Variants in PPP3CC observed in about 807,000 individuals in gnomAD.
The protein encoded by PPP3CC is protein phosphatase 3 catalytic subunit gamma.
Under a neutral mutation model 60.3 loss-of-function variants are expected in PPP3CC, and 35 were observed. The observed-to-expected ratio is 0.58, with a 90% CI of 0.44 to 0.77. The LOEUF (loss-of-function observed/expected upper bound fraction) is 0.77, where lower values mean the gene tolerates loss of function less well. Among genes scored for constraint, PPP3CC ranks in the 30% least tolerant of loss-of-function variants. PPP3CC has a pLI of 0.00. For missense variants in PPP3CC, 570 were observed against 628.9 expected, an observed-to-expected ratio of 0.91 and a Z score of 1.00; for synonymous variants, 206 against 224.3, an observed-to-expected ratio of 0.92 and a Z score of 0.73.
At position 22,485,779 on chromosome 8, in the gene PPP3CC, C is replaced by T. The variant is rs115773783; in HGVS notation, c.372+10155C>T. Among the ~76,000 whole-genome samples the T allele has an allele frequency of 7.9e-3, 1,205 of 152,070 alleles. 14 individuals carry two copies. Among genetic ancestry groups the T allele is most frequent in the African/African-American group, 0.026 (1,075 of 41,458 alleles). ...ATGCATGCAGACAGAATGGTATGTC[C>T]GAAGAACAAAGAGAAGGTTAGAGGT... On this transcript the variant is annotated intron_variant, in intron 3 of 13. Transcript: ENST00000240139.
intron 3 of PPP3CC, among the ~76,000 whole-genome samples, chr8:22,479,840 T>A (rs943410467): frequency 6.6e-6 from 1 of 152,050 alleles, no homozygotes; most frequent in Non-Finnish European, 1.5e-5. Context: ...AAGAGAAGGT[T>A]AGGTTTTATG....
rs908298915 is a variant in PPP3CC at position 22,524,756 on chromosome 8, C to T, written c.943+2007C>T. Reference sequence around the variant, plus strand: ...AGTGTGCCAAGCTGAAACACGCCACCTAAGTCAGCAGGCACTATACAGCTC... The same window carrying T: ...AGTGTGCCAAGCTGAAACACGCCACTTAAGTCAGCAGGCACTATACAGCTC... On this transcript the variant is annotated intron_variant, in intron 8 of 13. Transcript: ENST00000240139. 4.6e-5 allele frequency among the ~76,000 whole-genome samples: 7 copies of T among 152,274 alleles called. No homozygotes were observed. In the South Asian group the frequency reaches 8.3e-4, roughly 18 times the overall value.
At chr8:22,523,831 T>C in intron 8 of PPP3CC, 1 of 219,962 alleles carries the variant, frequency 4.5e-6, no homozygotes, top group Non-Finnish European at 9.6e-6. Flanking sequence ...GACTGGTTTT[T>C]CTCGTGTTGC....
At chr8:22,530,346 T>C (rs1048615241) in intron 10 of PPP3CC, among the ~76,000 whole-genome samples, 2 of 151,182 alleles carry the variant, frequency 1.3e-5, no homozygotes, top group Non-Finnish European at 2.9e-5. Flanking sequence ...TCCCAGCTAC[T>C]TGGGGGCCTG....
intron 1 of PPP3CC, among the ~76,000 whole-genome samples, chr8:22,473,098 T>C (rs1052004449): frequency 3.3e-5 from 5 of 152,194 alleles, no homozygotes; most frequent in African/African-American, 1.2e-4. Flanking sequence ...ACGAAACTTA[T>C]AATAGGACTT....
chr8:22,522,108 G>T lies in PPP3CC; in HGVS notation c.771-383G>T, dbSNP rs188898629. On this transcript the variant is annotated intron_variant, in intron 6 of 13. Coordinates refer to ENST00000240139, the MANE Select transcript of PPP3CC (RefSeq NM_005605.5). ...ATTTGACAATTGAAGAAAAGTATGT[G>T]TTGAATTTTTAGCATCTACTACACA... Among the ~76,000 whole-genome samples, 472 of 149,680 alleles carry T rather than the reference G, an allele frequency of 3.2e-3. 3 individuals carry two copies. Among genetic ancestry groups the T allele is most frequent in the South Asian group, 7.6e-3 (36 of 4,720 alleles).
intron 8 of PPP3CC, chr8:22,523,748 A>G (rs1176585921): frequency 4.5e-6 from 2 of 441,668 alleles, no homozygotes; most frequent in South Asian, 1.6e-5. Context: ...GTCAAGACTG[A>G]TAAATAAGGT....
intron 3 of PPP3CC, among the ~76,000 whole-genome samples, chr8:22,497,134 A>T (rs1184375975): frequency 6.6e-6 from 1 of 152,100 alleles, no homozygotes; most frequent in East Asian, 1.9e-4. Context: ...GGTTCAAGCG[A>T]TTCTCATGCC....
chr8:22,488,875 C>T (rs1838300042), intron 3 of PPP3CC, among the ~76,000 whole-genome samples: 1 of 152,152 alleles, frequency 6.6e-6, no homozygotes, highest in Non-Finnish European at 1.5e-5. Context: ...AAGTCTAGGG[C>T]AGTCCATGTA....
chr8:22,462,230 G>A (rs1371865301), intron 1 of PPP3CC, among the ~76,000 whole-genome samples: 1 of 152,002 alleles, frequency 6.6e-6, no homozygotes, highest in Non-Finnish European at 1.5e-5. Flanking sequence ...GTGACAGAGG[G>A]AGACCCTCTC....
chr8:22,482,252 T>G (rs192416570), intron 3 of PPP3CC, among the ~76,000 whole-genome samples: 1 of 152,342 alleles, frequency 6.6e-6, no homozygotes, highest in East Asian at 1.9e-4. Context: ...GGTATCTCAT[T>G]GTGGTTTTGA....
intron 1 of PPP3CC, among the ~76,000 whole-genome samples, chr8:22,443,547 G>T (rs192736775): frequency 1.3e-5 from 2 of 150,788 alleles, no homozygotes; most frequent in East Asian, 3.9e-4. Context: ...AAAAGCAGGG[G>T]CTGGTTTATT....
chr8:22,503,150 G>T (rs1425996842), intron 4 of PPP3CC, among the ~76,000 whole-genome samples: 4 of 152,078 alleles, frequency 2.6e-5, no homozygotes, highest in Non-Finnish European at 5.9e-5. Flanking sequence ...GAAAAGCTTT[G>T]TAAGCACCCA....
chr8:22,529,424 A>G (rs1047679040), intron 10 of PPP3CC, among the ~76,000 whole-genome samples: 3 of 152,078 alleles, frequency 2.0e-5, no homozygotes, highest in Non-Finnish European at 2.9e-5. Context: ...AGACTAATGG[A>G]CAATTTTTTC....
At chr8:22,512,708 A>G (rs1839122280) in intron 5 of PPP3CC, among the ~76,000 whole-genome samples, 1 of 152,226 alleles carries the variant, frequency 6.6e-6, no homozygotes, top group Non-Finnish European at 1.5e-5. Context: ...TTTGAATTAA[A>G]TTAGCACTGC....
chr8:22,482,475 T>G (rs924145029), intron 3 of PPP3CC, among the ~76,000 whole-genome samples: 10 of 152,326 alleles, frequency 6.6e-5, no homozygotes, highest in East Asian at 1.9e-4. Context: ...TTTCTCCCAT[T>G]CTGTAGGTTA....
At chr8:22,496,780 A>AGCCATTGTGCCCT (rs2132510208) in intron 3 of PPP3CC, among the ~76,000 whole-genome samples, 1 of 152,006 alleles carries the variant, frequency 6.6e-6, no homozygotes, top group East Asian at 1.9e-4. Flanking sequence ...TACAGGTGTA[A>AGCCATTGTGCCCT]GCCATTGTGC....
chr8:22,538,540 C>A (rs895534431), intron 12 of PPP3CC, among the ~76,000 whole-genome samples: 4 of 152,184 alleles, frequency 2.6e-5, no homozygotes, highest in African/African-American at 9.7e-5. Flanking sequence ...TAGCAGCAAA[C>A]TGTTACTGCT....
At chr8:22,480,782 A>G (rs1469147847) in intron 3 of PPP3CC, among the ~76,000 whole-genome samples, 1 of 152,080 alleles carries the variant, frequency 6.6e-6, no homozygotes, top group Non-Finnish European at 1.5e-5. Flanking sequence ...GCCAGCCCCA[A>G]AGTTAATTTT....
Sources: allele counts gnomAD v4.1 joint callset (sites outside exome capture counted in the v4.1 genomes callset), GRCh38; gene constraint gnomAD v4.1.1; transcripts MANE v1.5; gene names NCBI Gene and HGNC (gene_info 2026-07-23, HGNC 2026-07-21).